The following DIS3L2 variants were observed in gnomAD, a reference collection of about 807,000 sequenced individuals.
The protein encoded by DIS3L2 is DIS3 like 3'-5' exoribonuclease 2, also known as DIS3-like exonuclease 2.
Under a neutral mutation model 97.5 loss-of-function variants are expected in DIS3L2, and 34 were observed. That is an observed-to-expected ratio of 0.35 (90% CI 0.27 to 0.46). The LOEUF (loss-of-function observed/expected upper bound fraction) is 0.46. Among genes scored for constraint, DIS3L2 ranks in the 20% least tolerant of loss-of-function variants. The probability of loss-of-function intolerance (pLI) is 1.00; values close to 1 mark genes in which losing one functional copy is unlikely to be tolerated. For missense variants in DIS3L2, 1,038 were observed against 1,146.0 expected (o/e 0.91, Z 1.36); for synonymous variants, 435 against 445.2 (o/e 0.98, Z 0.29).
At chr2:232,054,748 T>G (rs1161960478) in intron 5 of DIS3L2, among the ~76,000 whole-genome samples, 1 of 152,260 alleles carries the variant, frequency 6.6e-6, no homozygotes, top group East Asian at 1.9e-4. Flanking sequence ...AACAGAAAAA[T>G]GTTTTTTGAG....
intron 1 of DIS3L2, among the ~76,000 whole-genome samples, chr2:231,982,411 T>C (rs914198749): frequency 1.3e-5 from 2 of 152,220 alleles, no homozygotes; most frequent in African/African-American, 4.8e-5. Context: ...CATTTGTTTA[T>C]GATGTATTAT....
chr2:232,274,196 G>C (rs1232885588), intron 13 of DIS3L2, among the ~76,000 whole-genome samples: 1 of 152,162 alleles, frequency 6.6e-6, no homozygotes, highest in Non-Finnish European at 1.5e-5. Context: ...AGCACCCCTT[G>C]TTCCTCTCAG....
At chr2:232,065,588 T>C (rs547610022) in intron 5 of DIS3L2, among the ~76,000 whole-genome samples, 5 of 142,070 alleles carry the variant, frequency 3.5e-5, no homozygotes, top group South Asian at 2.1e-4. Flanking sequence ...CCTTCCTTAA[T>C]TACTGTAGCT....
At chr2:232,188,109 C>T (rs1294331654) in intron 9 of DIS3L2, among the ~76,000 whole-genome samples, 3 of 151,922 alleles carry the variant, frequency 2.0e-5, no homozygotes, top group African/African-American at 7.3e-5. Flanking sequence ...CATAGCCCTC[C>T]GGCCTGGGCG....
At position 232,163,449 on chromosome 2, in the gene DIS3L2, C is replaced by A; in HGVS notation, c.951-10C>A. ...CTAACCCAGTTATTCCGTTTCTGTT[C>A]TATCCATAGGCAGCTGGCTAAGAGT... On this transcript the variant is annotated splice_polypyrimidine_tract_variant and intron_variant, in intron 8 of 20. Coordinates refer to ENST00000325385, the MANE Select transcript of DIS3L2 (RefSeq NM_152383.5). 6.2e-7 allele frequency: 1 copy of A among 1,611,556 alleles called. No individual in the cohort carries two copies.
At chr2:232,065,818 GTCT>G (rs1442481760) in intron 5 of DIS3L2, among the ~76,000 whole-genome samples, 1 of 151,732 alleles carries the variant, frequency 6.6e-6, no homozygotes, top group Non-Finnish European at 1.5e-5. Context: ...ATTTATTTAG[GTCT>G]TCTTTAATTT....
At chr2:232,340,646 G>C, downstream of DIS3L2, 1 of 466,732 alleles carries the variant, frequency 2.1e-6, no homozygotes, top group Admixed American at 2.4e-5. Flanking sequence ...ATCCAGGCCA[G>C]AGATGGGAAG....
intron 9 of DIS3L2, among the ~76,000 whole-genome samples, chr2:232,179,929 CT>C (rs2106182192): frequency 7.6e-6 from 1 of 132,170 alleles, no homozygotes; most frequent in East Asian, 2.4e-4. Context: ...ATCTTTCCTG[CT>C]TTCTCTTATG....
intron 9 of DIS3L2, among the ~76,000 whole-genome samples, chr2:232,206,897 G>A (rs1692040772): frequency 6.6e-6 from 1 of 152,162 alleles, no homozygotes; most frequent in South Asian, 2.1e-4. Flanking sequence ...GGTCACATAT[G>A]GTGGGATCAA....
chr2:232,005,540 G>A (rs1011984923), intron 1 of DIS3L2, among the ~76,000 whole-genome samples: 1 of 152,002 alleles, frequency 6.6e-6, no homozygotes, highest in Non-Finnish European at 1.5e-5. Flanking sequence ...GCCTGCCCTT[G>A]GGACAAAACT....
At chr2:232,121,564 C>A (rs1297665022) in intron 6 of DIS3L2, among the ~76,000 whole-genome samples, 2 of 152,142 alleles carry the variant, frequency 1.3e-5, no homozygotes, top group Admixed American at 6.6e-5. Flanking sequence ...GAATTTATAT[C>A]CTTTCTTGGT....
At chr2:232,299,366 T>C (rs1458922046) in intron 13 of DIS3L2, among the ~76,000 whole-genome samples, 1 of 152,226 alleles carries the variant, frequency 6.6e-6, no homozygotes, top group Non-Finnish European at 1.5e-5. Context: ...TTTTCTTCGC[T>C]GTTAAGGTAA....
rs1263805498 is a variant in DIS3L2, at chr2:232,336,969, G to A, written c.*339G>A. ...AGTGTCACAGAATAAAATCAAGTGT[G>A]GAGTGCCATCTGGTGTGTAGGGCGC... On this transcript the variant is annotated 3_prime_UTR_variant, in exon 21 of 21. Coordinates refer to ENST00000325385, the MANE Select transcript of DIS3L2 (RefSeq NM_152383.5). 1.5e-5 allele frequency: 17 copies of A among 1,157,806 alleles called. No individual in the cohort carries two copies. The highest frequency in any genetic ancestry group is 1.6e-5 in the African/African-American group (1 of 60,882). 71.7% of individuals were successfully genotyped at this position (1,157,806 alleles called of 1,614,324 possible).
At chr2:232,044,579 G>A (rs957028121) in intron 5 of DIS3L2, among the ~76,000 whole-genome samples, 11 of 152,132 alleles carry the variant, frequency 7.2e-5, no homozygotes, top group African/African-American at 1.7e-4. Context: ...GGACATATAG[G>A]TATACAAAGC....
intron 13 of DIS3L2, among the ~76,000 whole-genome samples, chr2:232,274,299 A>C (rs935884885): frequency 1.3e-5 from 2 of 152,196 alleles, no homozygotes; most frequent in African/African-American, 4.8e-5. Context: ...ACTCATAATT[A>C]GGCAGCACTT....
intron 19 of DIS3L2, chr2:232,335,517 A>T: frequency 2.2e-6 from 1 of 455,558 alleles, no homozygotes; most frequent in Non-Finnish European, 4.0e-6. Flanking sequence ...TCAGCCCTGG[A>T]CCCCCCACCA....
At chr2:232,089,986 A>G (rs946640668) in intron 6 of DIS3L2, among the ~76,000 whole-genome samples, 1 of 152,066 alleles carries the variant, frequency 6.6e-6, no homozygotes, top group South Asian at 2.1e-4. Context: ...CTAGAGTGCA[A>G]TGGTGTCATC....
intron 6 of DIS3L2, among the ~76,000 whole-genome samples, chr2:232,110,743 A>G (rs1050955237): frequency 4.6e-5 from 7 of 152,136 alleles, no homozygotes; most frequent in African/African-American, 1.4e-4. Flanking sequence ...AAAATAGCCA[A>G]TGGATGTTGG....
chr2:232,159,798 T>A (rs1445656130), intron 8 of DIS3L2, among the ~76,000 whole-genome samples: 1 of 152,240 alleles, frequency 6.6e-6, no homozygotes, highest in Non-Finnish European at 1.5e-5. Context: ...TTCCTGTTAC[T>A]CATGTGCTGA....
Sources: allele counts gnomAD v4.1 joint callset (sites outside exome capture counted in the v4.1 genomes callset), GRCh38; gene constraint gnomAD v4.1.1; transcripts MANE v1.5; gene names NCBI Gene and HGNC (gene_info 2026-07-23, HGNC 2026-07-21).